Variants in PHLPP1 observed in about 807,000 individuals in gnomAD.
The protein encoded by PHLPP1 is PH domain and leucine rich repeat protein phosphatase 1.
Under a neutral mutation model 117.2 loss-of-function variants are expected in PHLPP1, and 42 were observed. The observed-to-expected ratio is 0.36, with a 90% confidence interval of 0.28 to 0.46. The LOEUF (loss-of-function observed/expected upper bound fraction) is 0.46. Among genes scored for constraint, PHLPP1 ranks in the 20% least tolerant of loss-of-function variants. The probability of loss-of-function intolerance (pLI) is 1.00; values close to 1 mark genes in which losing one functional copy is unlikely to be tolerated. For synonymous variants in PHLPP1, 1,042 were observed against 970.7 expected (o/e 1.07, Z -1.37); for missense variants, 2,084 against 2,241.9 (o/e 0.93, Z 1.42).
intron 1 of PHLPP1, among the ~76,000 whole-genome samples, chr18:62,769,134 T>C (rs1450949754): frequency 6.6e-6 from 1 of 152,252 alleles, no homozygotes; most frequent in Non-Finnish European, 1.5e-5. Context: ...CTTAGCATTC[T>C]GTATCAAACT....
intron 12 of PHLPP1, among the ~76,000 whole-genome samples, chr18:62,950,096 G>T (rs1231519643): frequency 6.6e-6 from 1 of 152,166 alleles, no homozygotes; most frequent in Non-Finnish European, 1.5e-5. Context: ...AATGAAGTTT[G>T]TAATTTGGGA....
At chr18:62,723,197 A>G (rs1910975043) in intron 1 of PHLPP1, among the ~76,000 whole-genome samples, 1 of 152,218 alleles carries the variant, frequency 6.6e-6, no homozygotes, top group Non-Finnish European at 1.5e-5. Context: ...ACTCCATAAA[A>G]TACTTTGTTT....
intron 6 of PHLPP1, among the ~76,000 whole-genome samples, chr18:62,899,664 A>G (rs1793547795): frequency 6.6e-6 from 1 of 152,172 alleles, no homozygotes; most frequent in Non-Finnish European, 1.5e-5. Flanking sequence ...TCTTACTGCA[A>G]CAAAGCCATA....
At chr18:62,830,663 G>A (rs1914734331) in intron 2 of PHLPP1, among the ~76,000 whole-genome samples, 1 of 152,174 alleles carries the variant, frequency 6.6e-6, no homozygotes, top group African/African-American at 2.4e-5. Flanking sequence ...CCTGTTGTGG[G>A]TGTTGTCGGT....
intron 10 of PHLPP1, among the ~76,000 whole-genome samples, chr18:62,934,367 T>C (rs1182339181): frequency 6.6e-6 from 1 of 152,178 alleles, no homozygotes; most frequent in Non-Finnish European, 1.5e-5. Flanking sequence ...ATGGTACATA[T>C]ATACCATGGA....
intron 9 of PHLPP1, among the ~76,000 whole-genome samples, chr18:62,918,589 A>G (rs1352622892): frequency 6.6e-6 from 1 of 152,042 alleles, no homozygotes; most frequent in Non-Finnish European, 1.5e-5. Context: ...GGGATCTTTA[A>G]TTGGGGCCTG....
chr18:62,729,351 C>G (rs1293760818), intron 1 of PHLPP1, among the ~76,000 whole-genome samples: 1 of 152,132 alleles, frequency 6.6e-6, no homozygotes, highest in Admixed American at 6.5e-5. Context: ...TGACTATAGG[C>G]TTTTTAATAC....
chr18:62,740,152 G>C (rs1911480371), intron 1 of PHLPP1, among the ~76,000 whole-genome samples: 1 of 86,524 alleles, frequency 1.2e-5, no homozygotes, highest in Non-Finnish European at 2.1e-5. Context: ...GTGTGTATGT[G>C]TTTGGGCGGG....
At chr18:62,939,016 G>GGT (rs1910054484) in intron 10 of PHLPP1, among the ~76,000 whole-genome samples, 1 of 85,226 alleles carries the variant, frequency 1.2e-5, no homozygotes. Flanking sequence ...TTGAGCCGGA[G>GGT]TTTCGCTCTT....
intron 4 of PHLPP1, among the ~76,000 whole-genome samples, chr18:62,891,414 CCTGT>C (rs111360242): frequency 6.6e-6 from 1 of 151,678 alleles, no homozygotes; most frequent in African/African-American, 2.4e-5. Context: ...ATAGTGAAAC[CCTGT>C]CTCTACTAAA....
intron 1 of PHLPP1, among the ~76,000 whole-genome samples, chr18:62,808,941 TA>T (rs1295614200): frequency 6.6e-6 from 1 of 152,190 alleles, no homozygotes; most frequent in Non-Finnish European, 1.5e-5. Flanking sequence ...GCCTGGTTAT[TA>T]TTTTACTAGA....
chr18:62,824,149 T>C (rs1311225335), intron 1 of PHLPP1: 4 of 410,482 alleles, frequency 9.7e-6, no homozygotes, highest in East Asian at 7.6e-5. Context: ...AAAAAAAAAA[T>C]GTTGACAGGG....
chr18:62,963,245 C>A, intron 13 of PHLPP1, 123 bp from the exon 14 acceptor site: 2 of 619,018 alleles, frequency 3.2e-6, no homozygotes, highest in Non-Finnish European at 5.7e-6. Context: ...ACACATTAAA[C>A]GCAGTAAGAA....
chr18:62,726,683 A>G (rs1260520411), intron 1 of PHLPP1, among the ~76,000 whole-genome samples: 1 of 141,690 alleles, frequency 7.1e-6, no homozygotes, highest in Non-Finnish European at 1.5e-5. Context: ...TCCCGGGTTC[A>G]TGCGATTCTC....
At chr18:62,918,928 T>G (rs1909379860) in intron 9 of PHLPP1, among the ~76,000 whole-genome samples, 1 of 152,060 alleles carries the variant, frequency 6.6e-6, no homozygotes. Flanking sequence ...AATGTATACG[T>G]ATATTAAAAC....
intron 12 of PHLPP1, among the ~76,000 whole-genome samples, chr18:62,948,260 A>G (rs571583180): frequency 6.6e-6 from 1 of 151,346 alleles, no homozygotes; most frequent in Middle Eastern, 3.2e-3. Flanking sequence ...GAGAGGGGGA[A>G]GCTACAGTGA....
chr18:62,836,449 AAATAAAT>A (rs916371758), intron 2 of PHLPP1, among the ~76,000 whole-genome samples: 5 of 134,268 alleles, frequency 3.7e-5, no homozygotes, highest in African/African-American at 6.1e-5. Context: ...ATAAATAAAT[AAATAAAT>A]AAATAAATAA....
intron 10 of PHLPP1, among the ~76,000 whole-genome samples, chr18:62,934,414 C>A (rs185493666): frequency 6.8e-4 from 104 of 152,212 alleles, no homozygotes; most frequent in African/African-American, 2.3e-3. Flanking sequence ...AAATTATGTC[C>A]TTTGCAGCAA....
chr18:62,859,942 T>G lies in PHLPP1; in HGVS notation c.1900-493T>G, dbSNP rs540893184. 2.6e-5 allele frequency among the ~76,000 whole-genome samples: 4 copies of G among 152,330 alleles called. No homozygotes were observed. In the East Asian group the frequency reaches 7.7e-4, roughly 29 times the overall value. ...ATACTAAGTACAGACATGCATCACTTAATGACAGGGATGTATCTTGAGAAA... is the reference window on the plus strand; with the variant it reads ...ATACTAAGTACAGACATGCATCACTGAATGACAGGGATGTATCTTGAGAAA... On this transcript the variant is annotated intron_variant, in intron 3 of 16. Transcript: ENST00000262719.
Sources: allele counts gnomAD v4.1 joint callset (sites outside exome capture counted in the v4.1 genomes callset), GRCh38; gene constraint gnomAD v4.1.1; transcripts MANE v1.5; gene names NCBI Gene and HGNC (gene_info 2026-07-23, HGNC 2026-07-21).